The following DST variants were observed in gnomAD, a reference collection of about 807,000 sequenced individuals.
The protein encoded by DST is bullous pemphigoid antigen.
Under a neutral mutation model 875.2 loss-of-function variants are expected in DST, and 253 were observed. That is an observed-to-expected ratio of 0.29 (90% confidence interval 0.26 to 0.32). The LOEUF is 0.32. Among genes scored for constraint, DST ranks in the 10% least tolerant of loss-of-function variants. DST has a pLI of 1.00. For synonymous variants in DST, 3,124 were observed against 3,197.1 expected, an observed-to-expected ratio of 0.98 and a Z score of 0.77; for missense variants, 8,287 against 9,111.6, an observed-to-expected ratio of 0.91 and a Z score of 3.68.
chr6:56,860,460 A>C (rs1183599950), intron 3 of DST, among the ~76,000 whole-genome samples: 1 of 152,230 alleles, frequency 6.6e-6, no homozygotes, highest in Non-Finnish European at 1.5e-5. Flanking sequence ...CCAAGTGTTC[A>C]CTTCATTCTG....
chr6:56,549,425 C>A (rs1175768841), intron 61 of DST, among the ~76,000 whole-genome samples: 3 of 152,046 alleles, frequency 2.0e-5, no homozygotes, highest in Admixed American at 6.6e-5. Context: ...AAAAACTTTC[C>A]AAAAATTATG....
intron 80 of DST, among the ~76,000 whole-genome samples, chr6:56,500,599 C>A (rs2096086876): frequency 1.3e-5 from 2 of 151,926 alleles, no homozygotes. Flanking sequence ...GATGTACAGA[C>A]AGATAAAAAT....
intron 2 of DST, among the ~76,000 whole-genome samples, chr6:56,925,974 T>C (rs752787791): frequency 3.9e-5 from 6 of 152,232 alleles, no homozygotes; most frequent in African/African-American, 1.4e-4. Flanking sequence ...TTTCATAGTC[T>C]TGAAACTGTC....
chr6:56,856,000 A>G (rs1282057337), intron 3 of DST, among the ~76,000 whole-genome samples: 1 of 152,228 alleles, frequency 6.6e-6, no homozygotes, highest in Non-Finnish European at 1.5e-5. Flanking sequence ...AAACAACATT[A>G]TTCAAGGACC....
chr6:56,512,218 G>T (rs1471066086), intron 72 of DST, among the ~76,000 whole-genome samples: 1 of 152,152 alleles, frequency 6.6e-6, no homozygotes, highest in Non-Finnish European at 1.5e-5. Context: ...GCATAATTTT[G>T]CTAGCTAATC....
chr6:56,899,305 C>A (rs114780379), intron 3 of DST, among the ~76,000 whole-genome samples: 1 of 152,230 alleles, frequency 6.6e-6, no homozygotes, highest in Non-Finnish European at 1.5e-5. Flanking sequence ...TCTACTTAGC[C>A]TTTGTTTTAT....
chr6:56,497,372 T>G lies in DST; in HGVS notation c.20223+7A>C. The G allele has an allele frequency of 1.2e-6, 2 of 1,611,786 alleles. No homozygotes were observed. The highest frequency in any genetic ancestry group is 1.7e-4 in the Middle Eastern group (1 of 6,038). ...GAGGCTAAAGCTGTAGGAAATACTTTGCTTACCATATGGACATTAAGCTGC... is the reference window on the plus strand; with the variant it reads ...GAGGCTAAAGCTGTAGGAAATACTTGGCTTACCATATGGACATTAAGCTGC... On this transcript the variant is annotated splice_region_variant and intron_variant, in intron 82 of 103. Coordinates refer to ENST00000680361, the MANE Select transcript of DST (RefSeq NM_001374736.1).
intron 4 of DST, among the ~76,000 whole-genome samples, chr6:56,794,530 C>T (rs2099736457): frequency 6.6e-6 from 1 of 152,126 alleles, no homozygotes; most frequent in African/African-American, 2.4e-5. Flanking sequence ...CTGAGAGAAG[C>T]AATCTGATTC....
intron 2 of DST, among the ~76,000 whole-genome samples, chr6:56,916,390 C>T (rs1018571219): frequency 7.2e-5 from 11 of 152,204 alleles, no homozygotes; most frequent in Non-Finnish European, 1.0e-4. Flanking sequence ...TCTGACTGCT[C>T]AGTGCCCACT....
intron 100 of DST, chr6:56,464,398 G>C: frequency 4.7e-6 from 2 of 429,784 alleles, no homozygotes; most frequent in Non-Finnish European, 8.2e-6. Flanking sequence ...GGTAGTCAGT[G>C]ATGCAGCACT....
In DST at chr6:56,492,291, T is replaced by C. The variant is rs1397427777; in HGVS notation, c.20693A>G (p.Lys6898Arg). ...TCTCTCTACCAACCGTTGAACCACT[T>C]TTTCCCATCGACTTTGTACACTGAT... The part of the protein sequence containing the change: ...LLISVQSRWE[K>R]VVQRLVERGR... Residue 6898 changes from lysine to arginine, a missense_variant, in exon 85 of 104, where the codon AAA becomes AGA. By Grantham distance (26) the Lys-to-Arg change is conservative (BLOSUM62 2). Coordinates refer to ENST00000680361, the MANE Select transcript of DST (RefSeq NM_001374736.1). 1 of 1,613,790 alleles carries C rather than the reference T, an allele frequency of 6.2e-7. No individual in the cohort carries two copies. The highest frequency in any genetic ancestry group is 1.3e-5 in the African/African-American group (1 of 74,920).
intron 5 of DST, among the ~76,000 whole-genome samples, chr6:56,706,392 T>C (rs372054556): frequency 6.6e-6 from 1 of 152,182 alleles, no homozygotes; most frequent in Non-Finnish European, 1.5e-5. Flanking sequence ...TCCATTCAAT[T>C]AGAATATTTA....
intron 80 of DST, among the ~76,000 whole-genome samples, chr6:56,499,746 T>A (rs1035654994): frequency 6.6e-6 from 1 of 152,148 alleles, no homozygotes; most frequent in African/African-American, 2.4e-5. Context: ...GCCTCATTTT[T>A]CCACCTCTAC....
At chr6:56,489,910 T>C (rs56273018) in intron 85 of DST, among the ~76,000 whole-genome samples, 1,532 of 152,286 alleles carry the variant, frequency 0.01, 32 homozygotes, top group African/African-American at 0.036. Flanking sequence ...CCTTATACTT[T>C]CTTCTTGTTC....
At chr6:56,718,968 G>C (rs1396874366) in intron 5 of DST, among the ~76,000 whole-genome samples, 1 of 152,046 alleles carries the variant, frequency 6.6e-6, no homozygotes, top group Non-Finnish European at 1.5e-5. Context: ...CTAAAATTAG[G>C]CTATGGTAAT....
intron 5 of DST, among the ~76,000 whole-genome samples, chr6:56,721,225 C>T (rs1008100646): frequency 8.7e-5 from 13 of 149,486 alleles, no homozygotes; most frequent in African/African-American, 2.8e-4. Flanking sequence ...AGCTGCCAGG[C>T]GGGGGCACTA....
intron 88 of DST, chr6:56,483,730 T>G (rs2095476459): frequency 6.6e-6 from 1 of 151,932 alleles, no homozygotes; most frequent in Admixed American, 6.6e-5. Context: ...AATTAATGTG[T>G]TTTTAAAAAA....
rs779202202 is a variant in DST at position 56,604,502 on chromosome 6, G to C, written c.10126C>G (p.Pro3376Ala). 1.2e-6 allele frequency: 2 copies of C among 1,612,326 alleles called. No individual in the cohort carries two copies. The highest frequency in any genetic ancestry group is 1.7e-6 in the Non-Finnish European group (2 of 1,179,064). ...GHMNPQEVEEPSACADTKILI... is the reference protein window; with the variant it reads ...GHMNPQEVEEASACADTKILI... The stretch of plus-strand genomic sequence containing the variant: ...ATTTTAGTGTCTGCACAGGCTGAAG[G>C]TTCTTCAACCTCTTGAGGGTTCATA... The change falls in exon 40 of 104, where the codon CCT (proline) becomes GCT (alanine). Residue 3376 changes from proline to alanine, a missense_variant. Around this residue, in one of 10 missense-constraint regions of DST, gnomAD observed 3,138 missense variants for 3,116.6 expected, o/e 1.01. Transcript: ENST00000680361.
At chr6:56,830,555 TAC>T (rs1312981136) in intron 4 of DST, among the ~76,000 whole-genome samples, 1 of 152,212 alleles carries the variant, frequency 6.6e-6, no homozygotes, top group Non-Finnish European at 1.5e-5. Context: ...CTACAGAAAT[TAC>T]ATCTTTAGTC....
Sources: allele counts gnomAD v4.1 joint callset (sites outside exome capture counted in the v4.1 genomes callset), GRCh38; gene constraint gnomAD v4.1.1; regional missense constraint gnomAD v4.1.1; transcripts MANE v1.5; gene names NCBI Gene and HGNC (gene_info 2026-07-23, HGNC 2026-07-21).